The following PRR5L variants were observed in gnomAD, a reference collection of about 807,000 sequenced individuals.
The protein encoded by PRR5L is proline-rich protein 5-like.
In PRR5L, 21 loss-of-function variants were observed where a neutral mutation model predicts 36.4. The observed-to-expected ratio is 0.58, with a 90% confidence interval of 0.41 to 0.83. The LOEUF is 0.83. Among genes scored for constraint, PRR5L ranks in the 40% least tolerant of loss-of-function variants. The pLI is 0.00. For missense variants in PRR5L, 381 were observed against 473.3 expected, an observed-to-expected ratio of 0.80 and a Z score of 1.81; for synonymous variants, 188 against 197.0, an observed-to-expected ratio of 0.95 and a Z score of 0.38.
At chr11:36,316,954 G>A (rs543097654) in intron 1 of PRR5L, among the ~76,000 whole-genome samples, 1 of 152,236 alleles carries the variant, frequency 6.6e-6, no homozygotes, top group African/African-American at 2.4e-5. Flanking sequence ...TAAATGTTAG[G>A]AGCAAGATGG....
At chr11:36,353,153 A>G (rs1856992821) in intron 1 of PRR5L, among the ~76,000 whole-genome samples, 2 of 152,078 alleles carry the variant, frequency 1.3e-5, no homozygotes, top group South Asian at 2.1e-4. Flanking sequence ...CTTGCACGTC[A>G]TATGTTCGGC....
intron 3 of PRR5L, among the ~76,000 whole-genome samples, chr11:36,417,983 TG>T (rs1212751528): frequency 2.0e-5 from 3 of 152,248 alleles, no homozygotes; most frequent in Non-Finnish European, 4.4e-5. Context: ...AAGAATAGTA[TG>T]GATAGTTCCA....
chr11:36,378,080 T>C (rs998274793), intron 1 of PRR5L, among the ~76,000 whole-genome samples: 1 of 152,168 alleles, frequency 6.6e-6, no homozygotes, highest in East Asian at 1.9e-4. Flanking sequence ...CCGTAGAAAT[T>C]TGCAGTCATG....
chr11:36,305,128 G>T (rs1331152845), intron 1 of PRR5L, among the ~76,000 whole-genome samples: 2 of 152,164 alleles, frequency 1.3e-5, no homozygotes, highest in Non-Finnish European at 2.9e-5. Context: ...CAACCCAACT[G>T]TTCATCAACT....
intron 1 of PRR5L, among the ~76,000 whole-genome samples, chr11:36,297,585 A>C (rs1856326426): frequency 6.6e-6 from 1 of 152,166 alleles, no homozygotes; most frequent in South Asian, 2.1e-4. Context: ...AATTTTTTTC[A>C]GCAGGTCCTC....
At chr11:36,441,187 A>G in intron 6 of PRR5L, among the ~76,000 whole-genome samples, 1 of 152,210 alleles carries the variant, frequency 6.6e-6, no homozygotes, top group Non-Finnish European at 1.5e-5. Context: ...AATTTATTCC[A>G]GCATCAACTC....
chr11:36,376,607 A>G (rs1446898286), intron 1 of PRR5L: 1 of 991,738 alleles, frequency 1.0e-6, no homozygotes, highest in Non-Finnish European at 1.2e-6. Context: ...CTTCCTCGGG[A>G]AGACCGGAAA....
chr11:36,333,380 G>A (rs900297437), intron 1 of PRR5L, among the ~76,000 whole-genome samples: 2 of 152,082 alleles, frequency 1.3e-5, no homozygotes, highest in African/African-American at 4.8e-5. Flanking sequence ...CCACTCCCAG[G>A]TATTCTCCCA....
intron 1 of PRR5L, among the ~76,000 whole-genome samples, chr11:36,349,229 A>G (rs766267136): frequency 2.7e-5 from 4 of 146,708 alleles, no homozygotes; most frequent in Non-Finnish European, 6.0e-5. Context: ...GGTTGCAGTG[A>G]GCTGAGATTG....
intron 6 of PRR5L, among the ~76,000 whole-genome samples, chr11:36,439,131 T>C (rs1337167024): frequency 6.6e-6 from 1 of 152,094 alleles, no homozygotes; most frequent in African/African-American, 2.4e-5. Context: ...GCATGTTGAA[T>C]CAGTACCTGG....
intron 5 of PRR5L, among the ~76,000 whole-genome samples, chr11:36,436,585 G>A (rs377193656): frequency 1.3e-5 from 2 of 152,208 alleles, no homozygotes; most frequent in South Asian, 2.1e-4. Flanking sequence ...TAAAGTGGGT[G>A]GAGGAAACAG....
intron 8 of PRR5L, among the ~76,000 whole-genome samples, chr11:36,452,917 G>C (rs1858973606): frequency 1.3e-5 from 2 of 152,202 alleles, no homozygotes. Context: ...TCACACCCAG[G>C]GAGTCAGTAG....
At chr11:36,363,634 C>G (rs1857116133) in intron 1 of PRR5L, among the ~76,000 whole-genome samples, 3 of 152,216 alleles carry the variant, frequency 2.0e-5, no homozygotes, top group Non-Finnish European at 2.9e-5. Flanking sequence ...AGCTCCTAGA[C>G]CAGCAGAAAA....
At chr11:36,310,349 G>A (rs1279694473) in intron 1 of PRR5L, among the ~76,000 whole-genome samples, 1 of 152,138 alleles carries the variant, frequency 6.6e-6, no homozygotes, top group Non-Finnish European at 1.5e-5. Flanking sequence ...ATCCTTAGGA[G>A]CTGTTTACAC....
At chr11:36,334,121 C>T (rs146757299) in intron 1 of PRR5L, among the ~76,000 whole-genome samples, 487 of 152,234 alleles carry the variant, frequency 3.2e-3, no homozygotes, top group Admixed American at 5.2e-3. Context: ...CTTGGCAATT[C>T]TTCTCACATG....
intron 3 of PRR5L, among the ~76,000 whole-genome samples, chr11:36,414,371 A>G (rs1431308927): frequency 2.0e-5 from 3 of 148,420 alleles, no homozygotes; most frequent in Non-Finnish European, 3.0e-5. Context: ...CCTCTCCAGC[A>G]CCTGTTGTTT....
chr11:36,451,486 C>A, intron 8 of PRR5L, 151 bp downstream of exon 8: 1 of 909,526 alleles, frequency 1.1e-6, no homozygotes, highest in Non-Finnish European at 1.6e-6. Context: ...CAAATCCGTG[C>A]ATCTTAAGCA....
At chr11:36,315,797 C>T (rs764898776) in intron 1 of PRR5L, among the ~76,000 whole-genome samples, 16 of 152,214 alleles carry the variant, frequency 1.1e-4, no homozygotes, top group Non-Finnish European at 1.8e-4. Context: ...TATGCAAAAA[C>T]CAATATTGTG....
intron 1 of PRR5L, among the ~76,000 whole-genome samples, chr11:36,367,877 A>T (rs1375608759): frequency 6.6e-6 from 1 of 151,942 alleles, no homozygotes; most frequent in Admixed American, 6.5e-5. Context: ...ATAATAAGGG[A>T]ATCTAATCTG....
Sources: gnomAD v4.1 joint callset for allele counts (sites outside exome capture counted in the v4.1 genomes callset) on GRCh38, gnomAD v4.1.1 for gene constraint, MANE v1.5 for transcripts, NCBI Gene and HGNC (gene_info 2026-07-23, HGNC 2026-07-21) for gene names.